The following UBR1 variants were observed in gnomAD, a reference collection of about 807,000 sequenced individuals.
UBR1 encodes the protein ubiquitin protein ligase E3 component n-recognin 1.
UBR1 carries 102 observed loss-of-function variants against 242.1 expected under a neutral mutation model. The observed-to-expected ratio is 0.42, with a 90% confidence interval of 0.36 to 0.50. UBR1 has a LOEUF of 0.50. Ranked by LOEUF, UBR1 falls within the 20% of genes least tolerant of loss-of-function variation. UBR1 has a pLI of 0.01. For missense variants in UBR1, 1,772 were observed against 2,101.8 expected, an observed-to-expected ratio of 0.84 and a Z score of 3.07; for synonymous variants, 675 against 684.8, an observed-to-expected ratio of 0.99 and a Z score of 0.22.
At position 43,025,507 on chromosome 15, in the gene UBR1, A is replaced by T. The variant is rs2033167246; in HGVS notation, c.2536-78T>A. ...AAATACATTAAAGCAGTCAGGAAAG[A>T]CCCAACCACCTATTAAAATACTTTA... On this transcript the variant is annotated intron_variant, in intron 23 of 46. Transcript: ENST00000290650. 5.8e-6 allele frequency: 6 copies of T among 1,027,840 alleles called. No homozygotes were observed. The South Asian group carries it at 6.6e-5, about 11-fold the overall frequency. 63.7% of individuals were successfully genotyped at this position (1,027,840 alleles called of 1,614,324 possible).
chr15:43,094,734 A>G (rs2034140076), intron 1 of UBR1, among the ~76,000 whole-genome samples: 3 of 152,178 alleles, frequency 2.0e-5, no homozygotes, highest in African/African-American at 7.2e-5. Flanking sequence ...CACAATATTC[A>G]GCCTATATGG....
chr15:42,986,585 T>C (rs1439158057), intron 35 of UBR1, among the ~76,000 whole-genome samples: 1 of 152,254 alleles, frequency 6.6e-6, no homozygotes, highest in African/African-American at 2.4e-5. Flanking sequence ...ACATTTCTTA[T>C]CAATTTGTTC....
intron 29 of UBR1, among the ~76,000 whole-genome samples, chr15:43,008,375 C>T (rs571702993): frequency 6.6e-5 from 10 of 152,394 alleles, no homozygotes; most frequent in East Asian, 5.8e-4. Flanking sequence ...GGCGCTGCCG[C>T]GGCCCCGGCC....
intron 40 of UBR1, among the ~76,000 whole-genome samples, chr15:42,966,765 A>G (rs2032112614): frequency 6.6e-6 from 1 of 151,976 alleles, no homozygotes; most frequent in Non-Finnish European, 1.5e-5. Context: ...AATCTTACAT[A>G]TTTTACCATG....
intron 10 of UBR1, among the ~76,000 whole-genome samples, chr15:43,057,133 T>G (rs2033628727): frequency 6.6e-6 from 1 of 152,220 alleles, no homozygotes; most frequent in African/African-American, 2.4e-5. Flanking sequence ...GTAGGGAGAT[T>G]AGCTTTTGTA....
chr15:43,069,205 A>G (rs35740432), intron 5 of UBR1, among the ~76,000 whole-genome samples: 5 of 152,062 alleles, frequency 3.3e-5, no homozygotes, highest in Admixed American at 6.5e-5. Context: ...GGAACATAAT[A>G]TCTACATTCA....
At chr15:43,068,467 G>A (rs754668149) in intron 5 of UBR1, among the ~76,000 whole-genome samples, 45 of 152,072 alleles carry the variant, frequency 3.0e-4, no homozygotes, top group Non-Finnish European at 5.0e-4. Flanking sequence ...GATTATAAGC[G>A]TGAGCCACTA....
rs117252626 is a variant in UBR1, at chr15:42,953,935, T to C, written c.4836-1487A>G. Among the ~76,000 whole-genome samples, 756 of 150,436 alleles carry C rather than the reference T, an allele frequency of 5.0e-3. 12 individuals carry two copies. The highest frequency in any genetic ancestry group is 0.037 in the Admixed American group (550 of 14,966). On this transcript the variant is annotated intron_variant, in intron 44 of 46. Transcript: ENST00000290650. ...TCTGGCTCTGTCACCCAGGCTGAAG[T>C]CCAGTGTCACAGTCACGGCTCACTG...
At position 42,952,363 on chromosome 15, in the gene UBR1, A is replaced by G. The variant is rs2031848696; in HGVS notation, c.4921T>C (p.Cys1641Arg). The G allele has an allele frequency of 6.2e-7, 1 of 1,614,132 alleles. No individual in the cohort carries two copies. The highest frequency in any genetic ancestry group is 1.3e-5 in the African/African-American group (1 of 74,952). ...GAILCSQNIC[C>R]QEIVNGEEVG... ...TCTTCCCCGTTCACAATTTCCTGGC[A>G]GCAAATGTTCTGAGAACATAGTATA... The change falls in exon 45 of 47, where the codon TGC (cysteine) becomes CGC (arginine). Residue 1641 changes from cysteine (C) to arginine (R), a missense_variant. Physicochemically the swap from Cys to Arg is radical, Grantham distance 180. Transcript: ENST00000290650.
chr15:43,091,496 T>C (rs2034105063), intron 1 of UBR1, among the ~76,000 whole-genome samples: 1 of 152,226 alleles, frequency 6.6e-6, no homozygotes, highest in Non-Finnish European at 1.5e-5. Context: ...AGTTTTGCCT[T>C]CTTAATTTTT....
intron 40 of UBR1, among the ~76,000 whole-genome samples, chr15:42,970,087 C>G (rs1359302567): frequency 6.6e-6 from 1 of 151,800 alleles, no homozygotes; most frequent in Non-Finnish European, 1.5e-5. Context: ...TACCTGACTT[C>G]AGACTATACT....
At chr15:43,089,191 G>A (rs1356141019) in intron 1 of UBR1, among the ~76,000 whole-genome samples, 4 of 136,940 alleles carry the variant, frequency 2.9e-5, no homozygotes, top group African/African-American at 8.2e-5. Flanking sequence ...GAGATAATAC[G>A]CCCATTTAAA....
At chr15:43,022,880 C>T in intron 25 of UBR1, 79 bp from the exon 26 acceptor site, 1 of 891,252 alleles carries the variant, frequency 1.1e-6, no homozygotes, top group Non-Finnish European at 1.7e-6. Flanking sequence ...TAATTTTTTT[C>T]AGAGACTGGT....
At chr15:43,028,545 G>C (rs971407509) in intron 21 of UBR1, among the ~76,000 whole-genome samples, 4 of 151,670 alleles carry the variant, frequency 2.6e-5, no homozygotes, top group Non-Finnish European at 5.9e-5. Flanking sequence ...AGGAGTTCGA[G>C]ACCAGCCTGG....
At chr15:43,066,643 G>C (rs1345959158) in intron 6 of UBR1, among the ~76,000 whole-genome samples, 1 of 152,044 alleles carries the variant, frequency 6.6e-6, no homozygotes, top group Non-Finnish European at 1.5e-5. Flanking sequence ...GCAGTGGTTT[G>C]TAGTTCCCCT....
At chr15:42,952,086 T>C (rs2031843259) in intron 45 of UBR1, among the ~76,000 whole-genome samples, 192 bp downstream of exon 45, 1 of 152,214 alleles carries the variant, frequency 6.6e-6, no homozygotes, top group South Asian at 2.1e-4. Context: ...CCATAAATAA[T>C]GGAAATGTGA....
chr15:43,063,718 CT>C (rs36113944), intron 6 of UBR1, among the ~76,000 whole-genome samples: 147,380 of 149,656 alleles, frequency 0.98, 72,596 homozygotes, highest in East Asian at 1. Context: ...GAATGCCTGC[CT>C]TTTTTTTTTT....
chr15:43,102,098 C>A (rs1015466205), intron 1 of UBR1, among the ~76,000 whole-genome samples: 5 of 151,738 alleles, frequency 3.3e-5, no homozygotes, highest in Admixed American at 6.6e-5. Context: ...CGAGATCATA[C>A]CGCTGGAAAC....
chr15:43,037,681 G>T, intron 17 of UBR1, 92 bp downstream of exon 17: 1 of 1,095,186 alleles, frequency 9.1e-7, no homozygotes, highest in Non-Finnish European at 1.4e-6. Context: ...CATACACTCA[G>T]TAAAATCTAG....
Sources: gnomAD v4.1 joint callset for allele counts (sites outside exome capture counted in the v4.1 genomes callset) on GRCh38, gnomAD v4.1.1 for gene constraint, MANE v1.5 for transcripts, NCBI Gene and HGNC (gene_info 2026-07-23, HGNC 2026-07-21) for gene names.